Variants in TRHDE observed in about 807,000 individuals in gnomAD.
TRHDE encodes the protein thyrotropin releasing hormone degrading enzyme, also known as thyrotropin-releasing hormone-degrading ectoenzyme.
In TRHDE, 72 loss-of-function variants were observed where a neutral mutation model predicts 125.7. The observed-to-expected ratio is 0.57, with a 90% CI of 0.47 to 0.70. TRHDE has a LOEUF of 0.70. Ranked by LOEUF, TRHDE falls within the 30% of genes least tolerant of loss-of-function variation. The pLI is 0.00. For missense variants in TRHDE, 1,110 were observed against 1,327.1 expected (o/e 0.84, Z 2.54); for synonymous variants, 509 against 509.1 (o/e 1.00, Z 0.00).
rs138017758 is a variant in TRHDE, at chr12:72,311,459, A to G, written c.1188+24505A>G. On this transcript the variant is annotated intron_variant, in intron 2 of 18. Coordinates refer to ENST00000261180, the MANE Select transcript of TRHDE (RefSeq NM_013381.3). ...TTCATAACTTAGAGCAGCTAGGGCTAGTGGTGCAGTCTTCATGGATGGAAT... is the reference window on the plus strand; with the variant it reads ...TTCATAACTTAGAGCAGCTAGGGCTGGTGGTGCAGTCTTCATGGATGGAAT... 1.1e-4 allele frequency among the ~76,000 whole-genome samples: 16 copies of G among 152,322 alleles called. No homozygotes were observed. The East Asian group carries it at 3.1e-3, about 29-fold the overall frequency.
chr12:72,253,587 C>G (rs1878737372), intron 2 of TRHDE: 1 of 152,132 alleles, frequency 6.6e-6, no homozygotes, highest in Non-Finnish European at 1.5e-5. Context: ...AAATTGCTCA[C>G]ACATCTCCTT....
chr12:72,425,689 C>T (rs1008514932), intron 3 of TRHDE, among the ~76,000 whole-genome samples: 3 of 151,828 alleles, frequency 2.0e-5, no homozygotes, highest in Non-Finnish European at 4.4e-5. Context: ...ATTTCTGTTT[C>T]CAACATATGT....
chr12:72,159,111 T>G (rs547456631), intron 2 of TRHDE, among the ~76,000 whole-genome samples: 1 of 152,228 alleles, frequency 6.6e-6, no homozygotes, highest in Non-Finnish European at 1.5e-5. Context: ...TTATTTAATA[T>G]ATTTATTGAC....
At chr12:72,359,138 A>G (rs1870953372) in intron 2 of TRHDE, among the ~76,000 whole-genome samples, 1 of 150,582 alleles carries the variant, frequency 6.6e-6, no homozygotes, top group South Asian at 2.1e-4. Flanking sequence ...ATTTAACACT[A>G]GACAAGTTAT....
chr12:72,563,428 A>G (rs1437799277), intron 9 of TRHDE, among the ~76,000 whole-genome samples: 1 of 134,786 alleles, frequency 7.4e-6, no homozygotes, highest in African/African-American at 3.5e-5. Flanking sequence ...AGAAACTCAT[A>G]ATGCAGAAAA....
At chr12:72,234,870 G>GACA (rs1431222278) in intron 2 of TRHDE, among the ~76,000 whole-genome samples, 3 of 152,034 alleles carry the variant, frequency 2.0e-5, no homozygotes, top group Non-Finnish European at 4.4e-5. Flanking sequence ...GCAAATTAAG[G>GACA]ACAACTAACA....
chr12:72,541,563 G>A (rs566266785), intron 6 of TRHDE, among the ~76,000 whole-genome samples: 153 of 151,574 alleles, frequency 1.0e-3, no homozygotes, highest in African/African-American at 3.6e-3. Context: ...AATAGGAAAT[G>A]AAAATGATTA....
intron 2 of TRHDE, among the ~76,000 whole-genome samples, chr12:72,359,939 T>C (rs970513631): frequency 6.6e-6 from 1 of 151,652 alleles, no homozygotes; most frequent in African/African-American, 2.4e-5. Context: ...TAGGAGACTA[T>C]GAAGAGGCCA....
intron 3 of TRHDE, among the ~76,000 whole-genome samples, chr12:72,430,381 A>G (rs1014278660): frequency 3.5e-5 from 5 of 143,894 alleles, no homozygotes; most frequent in African/African-American, 1.0e-4. Context: ...GTATATATAC[A>G]TGTATATATA....
chr12:72,446,655 T>G (rs1875301333), intron 3 of TRHDE, among the ~76,000 whole-genome samples: 2 of 152,038 alleles, frequency 1.3e-5, no homozygotes, highest in South Asian at 4.1e-4. Context: ...AATAAAGAGA[T>G]GGAGGAAGAT....
At chr12:72,638,369 C>T (rs1373066411) in intron 15 of TRHDE, among the ~76,000 whole-genome samples, 3 of 152,148 alleles carry the variant, frequency 2.0e-5, no homozygotes, top group Admixed American at 1.3e-4. Context: ...AGATCTTCTT[C>T]CATCCCTTTA....
intron 2 of TRHDE, among the ~76,000 whole-genome samples, chr12:72,338,140 C>G (rs1292013287): frequency 6.6e-6 from 1 of 152,138 alleles, no homozygotes; most frequent in East Asian, 1.9e-4. Context: ...AATGCTTTTT[C>G]TTTTTCTTGG....
intron 3 of TRHDE, among the ~76,000 whole-genome samples, chr12:72,380,885 T>TCTTCCTTC (rs202006141): frequency 0.018 from 2,700 of 146,716 alleles, 43 homozygotes; most frequent in Non-Finnish European, 0.029. Context: ...CTTCTTTCTT[T>TCTTCCTTC]CTTCCTTCCT....
chr12:72,456,087 T>C (rs1875830363), intron 3 of TRHDE, among the ~76,000 whole-genome samples: 2 of 150,446 alleles, frequency 1.3e-5, no homozygotes, highest in South Asian at 2.1e-4. Context: ...TCAGTATGTA[T>C]ATTTATATAA....
At chr12:72,544,484 G>A (rs1869312846) in intron 7 of TRHDE, among the ~76,000 whole-genome samples, 1 of 151,462 alleles carries the variant, frequency 6.6e-6, no homozygotes, top group African/African-American at 2.4e-5. Flanking sequence ...TTTACTACTT[G>A]CAATTCCAAA....
intron 2 of TRHDE, among the ~76,000 whole-genome samples, chr12:72,300,886 G>A (rs1436638823): frequency 1.3e-5 from 2 of 152,170 alleles, no homozygotes; most frequent in African/African-American, 4.8e-5. Flanking sequence ...AAACCTCAAA[G>A]TTTCAGGTTG....
intron 13 of TRHDE, among the ~76,000 whole-genome samples, chr12:72,619,992 G>A (rs931093837): frequency 1.3e-5 from 2 of 151,586 alleles, no homozygotes; most frequent in African/African-American, 2.4e-5. Flanking sequence ...TTAAAAAATG[G>A]GAATAATTAC....
chr12:72,169,262 G>T (rs1242388188), intron 2 of TRHDE, among the ~76,000 whole-genome samples: 1 of 152,006 alleles, frequency 6.6e-6, no homozygotes, highest in Non-Finnish European at 1.5e-5. Context: ...ATTAATGCAA[G>T]GGTCACAACT....
intron 2 of TRHDE, among the ~76,000 whole-genome samples, chr12:72,337,142 C>G (rs879311072): frequency 1.3e-5 from 2 of 152,156 alleles, no homozygotes; most frequent in Non-Finnish European, 1.5e-5. Flanking sequence ...GTAACATACA[C>G]GAAGCCCACT....
Sources: gnomAD v4.1 joint callset for allele counts (sites outside exome capture counted in the v4.1 genomes callset) on GRCh38, gnomAD v4.1.1 for gene constraint, MANE v1.5 for transcripts, NCBI Gene and HGNC (gene_info 2026-07-23, HGNC 2026-07-21) for gene names.